TBCK: variants seen among roughly 807,000 people sequenced by gnomAD.
The protein encoded by TBCK is TBC1 domain containing kinase.
Under a neutral mutation model 113.4 loss-of-function variants are expected in TBCK, and 99 were observed. The observed-to-expected ratio is 0.87, with a 90% CI of 0.74 to 1.03. The LOEUF is 1.03. Ranked by LOEUF, TBCK falls within the 50% of genes least tolerant of loss-of-function variation. The probability of loss-of-function intolerance (pLI) is 0.00; values close to 1 mark genes in which losing one functional copy is unlikely to be tolerated. For synonymous variants in TBCK, 369 were observed against 370.8 expected (o/e 1.00, Z 0.05); for missense variants, 1,045 against 1,061.3 (o/e 0.98, Z 0.21).
rs991870972 is a variant in TBCK at position 106,044,933 on chromosome 4, G to A, written c.*1637C>T. ...GGCAGTCTTAACATTGGAGTGGAAT[G>A]TAAGTTATAGATGAATGAACACTTT... On this transcript the variant is annotated 3_prime_UTR_variant, in exon 26 of 26. Coordinates refer to ENST00000394708, the MANE Select transcript of TBCK (RefSeq NM_001163435.3). 2.2e-4 allele frequency: 34 copies of A among 152,046 alleles called. No individual in the cohort carries two copies. The highest frequency in any genetic ancestry group is 8.2e-4 in the African/African-American group (34 of 41,392). 9.4% of individuals were successfully genotyped at this position (152,046 alleles called of 1,614,324 possible).
chr4:106,251,757 T>C, intron 6 of TBCK, 109 bp downstream of exon 6: 1 of 1,028,890 alleles, frequency 9.7e-7, no homozygotes, highest in East Asian at 2.8e-5. Flanking sequence ...TCCTCATATG[T>C]AATTAATTTG....
intron 25 of TBCK, among the ~76,000 whole-genome samples, chr4:106,092,452 A>C (rs1740385775): frequency 6.6e-6 from 1 of 152,204 alleles, no homozygotes; most frequent in Non-Finnish European, 1.5e-5. Flanking sequence ...AGCAGGGGGC[A>C]GCACTCGTTG....
chr4:106,083,991 C>CA (rs1739213884), intron 25 of TBCK, among the ~76,000 whole-genome samples: 2 of 152,094 alleles, frequency 1.3e-5, no homozygotes, highest in Admixed American at 6.6e-5. Context: ...AAAGAATCAA[C>CA]AAAAAAATGC....
chr4:106,042,953 G>A lies in TBCK; in HGVS notation c.*3617C>T, dbSNP rs545546896. The A allele has an allele frequency of 2.0e-5, 3 of 152,172 alleles. No individual in the cohort carries two copies. The highest frequency in any genetic ancestry group is 4.8e-5 in the African/African-American group (2 of 41,510). 9.4% of individuals were successfully genotyped at this position (152,172 alleles called of 1,614,324 possible). On this transcript the variant is annotated 3_prime_UTR_variant, in exon 26 of 26. Transcript: ENST00000394708. ...GTTATGTCTTGTCATTTCATGGAGC[G>A]GAGTTCCTTGAGACGGTCACTTCAT...
intron 23 of TBCK, among the ~76,000 whole-genome samples, chr4:106,164,854 A>G (rs560653581): frequency 6.6e-6 from 1 of 151,920 alleles, no homozygotes; most frequent in East Asian, 1.9e-4. Context: ...TGTGCTTTAA[A>G]TAAGATTTTA....
chr4:106,043,410 T>C lies in TBCK; in HGVS notation c.*3160A>G, dbSNP rs181698425. The stretch of plus-strand genomic sequence containing the variant: ...GTTGAAAAAAATTACCACAGGTTAT[T>C]TTTATTTTTCTCCCTTCAAATAGAT... On this transcript the variant is annotated 3_prime_UTR_variant, in exon 26 of 26. Transcript: ENST00000394708. The C allele has an allele frequency of 6.6e-6, 1 of 152,302 alleles. No individual in the cohort carries two copies. Among genetic ancestry groups the C allele is most frequent in the Admixed American group, 6.5e-5 (1 of 15,302 alleles). The allele number at this position is 152,302 out of a possible 1,614,324, so 9.4% of individuals were successfully genotyped here.
intron 2 of TBCK, among the ~76,000 whole-genome samples, chr4:106,300,248 TTACC>T (rs1372149673): frequency 6.6e-6 from 1 of 152,174 alleles, no homozygotes; most frequent in Non-Finnish European, 1.5e-5. Flanking sequence ...CCTGTACAAA[TTACC>T]TAGTTTTGGG....
At chr4:106,278,531 C>A (rs2125773800) in intron 3 of TBCK, among the ~76,000 whole-genome samples, 1 of 136,578 alleles carries the variant, frequency 7.3e-6, no homozygotes, top group East Asian at 2.3e-4. Flanking sequence ...TGCACTCCAT[C>A]CTGGGCAACA....
At chr4:106,269,530 G>A (rs907537140) in intron 3 of TBCK, among the ~76,000 whole-genome samples, 4 of 152,208 alleles carry the variant, frequency 2.6e-5, no homozygotes, top group African/African-American at 7.2e-5. Flanking sequence ...TCAGTACTGG[G>A]CACACATGTT....
chr4:106,290,517 C>T (rs768908749), intron 3 of TBCK, among the ~76,000 whole-genome samples: 1 of 152,128 alleles, frequency 6.6e-6, no homozygotes, highest in Non-Finnish European at 1.5e-5. Context: ...AGATTAGTGA[C>T]ATTACAAAAA....
intron 22 of TBCK, among the ~76,000 whole-genome samples, chr4:106,184,740 A>C (rs1478830168): frequency 6.6e-6 from 1 of 152,048 alleles, no homozygotes; most frequent in East Asian, 1.9e-4. Flanking sequence ...TAATTCACCC[A>C]GCCTTTCAAC....
chr4:106,193,523 A>T, intron 22 of TBCK, 86 bp downstream of exon 22: 2 of 1,428,460 alleles, frequency 1.4e-6, no homozygotes, highest in Non-Finnish European at 1.9e-6. Context: ...GAAGGCCTGG[A>T]TGGTTATTTT....
chr4:106,076,109 G>A lies in TBCK; in HGVS notation c.2571+19373C>T, dbSNP rs567408644. Among the ~76,000 whole-genome samples the A allele has an allele frequency of 3.9e-5, 6 of 152,320 alleles. No homozygotes were observed. In the South Asian group the frequency reaches 1.0e-3, roughly 26 times the overall value. On this transcript the variant is annotated intron_variant, in intron 25 of 25. Coordinates refer to ENST00000394708, the MANE Select transcript of TBCK (RefSeq NM_001163435.3). The stretch of plus-strand genomic sequence containing the variant: ...AGATGTATAAAACAATAGCTCTGTA[G>A]AGGATGGCAGGGGGCCATAGGTAGG...
In TBCK at chr4:106,226,103, G is replaced by C. The variant is rs139025258; in HGVS notation, c.1774+4260C>G. On this transcript the variant is annotated intron_variant, in intron 19 of 25. Transcript: ENST00000394708. ...GGCTTGAGCACAGGAGGTGGAGGTT[G>C]CAGTGAGCTGAGATTGTGCCATGGC... Among the ~76,000 whole-genome samples the C allele has an allele frequency of 3.9e-3, 598 of 152,220 alleles. 6 individuals are homozygous for C. Among genetic ancestry groups the C allele is most frequent in the East Asian group, 0.028 (142 of 5,136 alleles).
At chr4:106,122,039 G>A (rs1308803018) in intron 23 of TBCK, among the ~76,000 whole-genome samples, 4 of 152,114 alleles carry the variant, frequency 2.6e-5, no homozygotes, top group South Asian at 2.1e-4. Context: ...CAGAACTGAA[G>A]GAAATAGAGA....
At chr4:106,231,460 G>C (rs1758848999) in intron 18 of TBCK, among the ~76,000 whole-genome samples, 1 of 151,624 alleles carries the variant, frequency 6.6e-6, no homozygotes, top group African/African-American at 2.4e-5. Flanking sequence ...AAATTCTTTA[G>C]AAAGTATACT....
chr4:106,048,666 CAT>C (rs1441572890), intron 25 of TBCK, among the ~76,000 whole-genome samples: 1 of 152,120 alleles, frequency 6.6e-6, no homozygotes, highest in Non-Finnish European at 1.5e-5. Context: ...CTAAGATAAA[CAT>C]AACATTACTG....
At chr4:106,153,385 T>C (rs543147360) in intron 23 of TBCK, among the ~76,000 whole-genome samples, 1 of 152,258 alleles carries the variant, frequency 6.6e-6, no homozygotes, top group East Asian at 1.9e-4. Context: ...AATTGATTTC[T>C]AGTTTTATTC....
At chr4:106,218,584 G>T (rs955432978) in intron 19 of TBCK, among the ~76,000 whole-genome samples, 1 of 61,428 alleles carries the variant, frequency 1.6e-5, no homozygotes, top group African/African-American at 6.1e-5. Context: ...CCTCTCAAAA[G>T]AAGACATTTA....
Sources: gnomAD v4.1 joint callset for allele counts (sites outside exome capture counted in the v4.1 genomes callset) on GRCh38, gnomAD v4.1.1 for gene constraint, MANE v1.5 for transcripts, NCBI Gene and HGNC (gene_info 2026-07-23, HGNC 2026-07-21) for gene names.